ROBO1: variants seen among roughly 807,000 people sequenced by gnomAD.
ROBO1 encodes roundabout guidance receptor 1, also known as roundabout homolog 1.
In ROBO1, 149 loss-of-function variants were observed where a neutral mutation model predicts 195.9. The ratio of observed to expected loss-of-function variants is 0.76; its 90% CI spans 0.67 to 0.87. ROBO1 has a LOEUF of 0.87. ROBO1 is among the 40% of genes least tolerant of loss of function. ROBO1 has a pLI of 0.00. For missense variants in ROBO1, 1,933 were observed against 2,068.3 expected, an observed-to-expected ratio of 0.93 and a Z score of 1.27; for synonymous variants, 816 against 733.2, an observed-to-expected ratio of 1.11 and a Z score of -1.82.
intron 1 of ROBO1, among the ~76,000 whole-genome samples, chr3:79,645,218 G>A (rs1945783233): frequency 6.6e-6 from 1 of 151,978 alleles, no homozygotes. Flanking sequence ...AATCAGAGTA[G>A]AGGCTGGGCA....
At chr3:79,213,822 T>C (rs900790958) in intron 2 of ROBO1, among the ~76,000 whole-genome samples, 5 of 142,448 alleles carry the variant, frequency 3.5e-5, no homozygotes, top group East Asian at 4.1e-4. Flanking sequence ...CTTTCTTTTT[T>C]TTTTTTTTTT....
chr3:79,735,209 A>G (rs1412519155), intron 1 of ROBO1, among the ~76,000 whole-genome samples: 1 of 152,234 alleles, frequency 6.6e-6, no homozygotes, highest in Non-Finnish European at 1.5e-5. Flanking sequence ...CTTTAAGGCA[A>G]CTTATTACTT....
At chr3:79,239,771 T>A (rs896407551) in intron 2 of ROBO1, among the ~76,000 whole-genome samples, 20 of 152,226 alleles carry the variant, frequency 1.3e-4, no homozygotes, top group Non-Finnish European at 8.8e-5. Flanking sequence ...CCAAACTGAA[T>A]ATTATTGCTT....
chr3:78,746,666 T>C, intron 5 of ROBO1, 77 bp downstream of exon 5: 2 of 1,231,656 alleles, frequency 1.6e-6, no homozygotes, highest in South Asian at 3.0e-5. Flanking sequence ...ATCTACTTCA[T>C]TTTTCTCTTT....
intron 2 of ROBO1, among the ~76,000 whole-genome samples, chr3:79,539,186 A>G (rs1941978655): frequency 6.6e-6 from 1 of 152,188 alleles, no homozygotes; most frequent in Non-Finnish European, 1.5e-5. Flanking sequence ...CTGTCAATAT[A>G]TTCATGCAAT....
chr3:79,220,934 CCTCT>C (rs1012885577), intron 2 of ROBO1, among the ~76,000 whole-genome samples: 3 of 151,904 alleles, frequency 2.0e-5, no homozygotes, highest in Non-Finnish European at 2.9e-5. Context: ...ACATTCCTAG[CCTCT>C]ATCTACTAGA....
chr3:79,023,975 G>T (rs2078155240), intron 3 of ROBO1, among the ~76,000 whole-genome samples: 1 of 151,634 alleles, frequency 6.6e-6, no homozygotes, highest in African/African-American at 2.4e-5. Context: ...CTCCCAAAGT[G>T]CTGGGATTAC....
intron 3 of ROBO1, among the ~76,000 whole-genome samples, chr3:79,124,349 A>G (rs1029984524): frequency 6.6e-6 from 1 of 152,122 alleles, no homozygotes; most frequent in East Asian, 1.9e-4. Flanking sequence ...TAACTGTACT[A>G]CTTATTTCAA....
chr3:79,681,470 A>G (rs1238378191), intron 1 of ROBO1, among the ~76,000 whole-genome samples: 4 of 152,038 alleles, frequency 2.6e-5, no homozygotes, highest in African/African-American at 9.6e-5. Context: ...AAAGGAATCC[A>G]GAAGTAGGAA....
At chr3:78,610,375 A>G (rs1348321773) in intron 28 of ROBO1, among the ~76,000 whole-genome samples, 1 of 152,180 alleles carries the variant, frequency 6.6e-6, no homozygotes, top group Non-Finnish European at 1.5e-5. Context: ...AGTAGCCTAA[A>G]GCCAAGGGAC....
At chr3:78,792,020 T>C (rs2084036724) in intron 4 of ROBO1, among the ~76,000 whole-genome samples, 1 of 152,168 alleles carries the variant, frequency 6.6e-6, no homozygotes, top group South Asian at 2.1e-4. Flanking sequence ...TGATGTTACA[T>C]TGCTTCAGGC....
intron 2 of ROBO1, among the ~76,000 whole-genome samples, chr3:79,135,640 C>CTT (rs200088816): frequency 1.5e-4 from 21 of 143,666 alleles, no homozygotes; most frequent in African/African-American, 1.3e-4. Context: ...ATTCAATCTT[C>CTT]TTTTTTTTTT....
rs72898069 is a variant in ROBO1 at position 79,361,748 on chromosome 3, C to A, written c.88+228076G>T. Among the ~76,000 whole-genome samples, 5 of 152,136 alleles carry A rather than the reference C, an allele frequency of 3.3e-5. No homozygotes were observed. The East Asian group carries it at 9.6e-4, about 29-fold the overall frequency. On this transcript the variant is annotated intron_variant, in intron 2 of 30. Coordinates refer to ENST00000464233, the MANE Select transcript of ROBO1 (RefSeq NM_002941.4). ...ATTTACACATATGAAAAACTCATTG[C>A]ATACTTACAAGTGTGATTATTTTCT...
At chr3:79,415,837 A>T (rs1181998429) in intron 2 of ROBO1, among the ~76,000 whole-genome samples, 1 of 152,134 alleles carries the variant, frequency 6.6e-6, no homozygotes, top group Non-Finnish European at 1.5e-5. Context: ...AGGCAGAACA[A>T]TGATGTTGGT....
chr3:79,509,014 T>C (rs913700457), intron 2 of ROBO1, among the ~76,000 whole-genome samples: 1 of 152,182 alleles, frequency 6.6e-6, no homozygotes, highest in African/African-American at 2.4e-5. Flanking sequence ...TTTCAAGGTA[T>C]AGGATAAGCA....
At chr3:79,517,617 A>T (rs946715733) in intron 2 of ROBO1, among the ~76,000 whole-genome samples, 12 of 152,216 alleles carry the variant, frequency 7.9e-5, no homozygotes, top group African/African-American at 2.9e-4. Flanking sequence ...CTTTATCTGC[A>T]GCCCAGATCA....
intron 4 of ROBO1, among the ~76,000 whole-genome samples, chr3:78,863,039 C>T (rs1177831944): frequency 1.3e-5 from 2 of 152,160 alleles, no homozygotes; most frequent in East Asian, 3.9e-4. Context: ...ACTTCTATAG[C>T]AGTTTAATAT....
At chr3:78,837,656 T>C (rs111733523) in intron 4 of ROBO1, among the ~76,000 whole-genome samples, 140 of 152,204 alleles carry the variant, frequency 9.2e-4, no homozygotes, top group African/African-American at 2.9e-3. Flanking sequence ...TGAAAATCCA[T>C]GGGAATATAT....
chr3:79,645,916 T>A (rs1349070195), intron 1 of ROBO1, among the ~76,000 whole-genome samples: 4 of 152,098 alleles, frequency 2.6e-5, no homozygotes. Context: ...TCATACCCTC[T>A]ACAAAACTCA....
Sources: allele counts gnomAD v4.1 joint callset (sites outside exome capture counted in the v4.1 genomes callset), GRCh38; gene constraint gnomAD v4.1.1; transcripts MANE v1.5; gene names NCBI Gene and HGNC (gene_info 2026-07-23, HGNC 2026-07-21).